The following EEIG2 variants were observed in gnomAD, a reference collection of about 807,000 sequenced individuals.
The protein encoded by EEIG2 is family with sequence similarity 102 member B.
the EEIG2 span, among the ~76,000 whole-genome samples, chr1:108,613,093 T>G: frequency 6.6e-6 from 1 of 152,304 alleles, no homozygotes; most frequent in African/African-American, 2.4e-5. Flanking sequence ...TTTGTAACCC[T>G]CACACAAATT....
the EEIG2 span, among the ~76,000 whole-genome samples, chr1:108,581,068 A>G: frequency 3.9e-5 from 6 of 152,310 alleles, no homozygotes; most frequent in East Asian, 7.7e-4. Flanking sequence ...TCACTTATCA[A>G]TGTGAAAATC....
At chr1:108,598,626 C>T in the EEIG2 span, among the ~76,000 whole-genome samples, 3 of 152,066 alleles carry the variant, frequency 2.0e-5, no homozygotes, top group Admixed American at 1.3e-4. Flanking sequence ...CATTAAATCA[C>T]TTAAGGGTTC....
At chr1:108,613,572 A>G in the EEIG2 span, among the ~76,000 whole-genome samples, 2 of 152,004 alleles carry the variant, frequency 1.3e-5, no homozygotes, top group South Asian at 2.1e-4. Context: ...CTTCCCATTC[A>G]TCCTTCCACA....
At chr1:108,591,419 CA>C in the EEIG2 span, among the ~76,000 whole-genome samples, 1 of 152,156 alleles carries the variant, frequency 6.6e-6, no homozygotes, top group Non-Finnish European at 1.5e-5. Context: ...TTTGATGTTA[CA>C]AAACGATAAA....
chr1:108,575,333 C>G, the EEIG2 span, among the ~76,000 whole-genome samples: 1 of 152,288 alleles, frequency 6.6e-6, no homozygotes, highest in East Asian at 1.9e-4. Context: ...AGGAGTCTTC[C>G]CGAATTTCTC....
the EEIG2 span, chr1:108,629,600 G>A: frequency 6.2e-7 from 1 of 1,610,286 alleles, no homozygotes; most frequent in Admixed American, 1.7e-5. Flanking sequence ...GAAGGACTAA[G>A]GCTATTTGTG....
the EEIG2 span, among the ~76,000 whole-genome samples, chr1:108,580,284 A>T: frequency 1.2e-3 from 179 of 152,194 alleles, no homozygotes; most frequent in African/African-American, 4.2e-3. Context: ...TGACTGCTCT[A>T]CTCACTGGCC....
chr1:108,582,455 C>T, the EEIG2 span, among the ~76,000 whole-genome samples: 1 of 152,024 alleles, frequency 6.6e-6, no homozygotes, highest in Non-Finnish European at 1.5e-5. Context: ...ATTAATCTGC[C>T]ATAATATATA....
At chr1:108,613,979 C>A in the EEIG2 span, among the ~76,000 whole-genome samples, 22 of 151,868 alleles carry the variant, frequency 1.4e-4, no homozygotes, top group African/African-American at 5.3e-4. Context: ...AGAAACTTCA[C>A]CCCCAAAAAA....
chr1:108,580,576 A>G, the EEIG2 span, among the ~76,000 whole-genome samples: 95 of 152,306 alleles, frequency 6.2e-4, no homozygotes, highest in African/African-American at 2.2e-3. Flanking sequence ...TGCTGCTCCA[A>G]TGAACACATG....
chr1:108,564,733 A>G, the EEIG2 span, among the ~76,000 whole-genome samples: 2 of 152,182 alleles, frequency 1.3e-5, no homozygotes, highest in Non-Finnish European at 2.9e-5. Context: ...GGTTGAGCTC[A>G]GGAGTTTGAG....
At chr1:108,624,839 G>C in the EEIG2 span, 1 of 928,422 alleles carries the variant, frequency 1.1e-6, no homozygotes, top group East Asian at 2.4e-5. Context: ...TATTTGACTT[G>C]AAACAGGCCA....
chr1:108,621,047 C>G, the EEIG2 span, among the ~76,000 whole-genome samples: 1 of 152,186 alleles, frequency 6.6e-6, no homozygotes, highest in Non-Finnish European at 1.5e-5. Context: ...GGAGAGAAAA[C>G]TGTGCACAAG....
the EEIG2 span, among the ~76,000 whole-genome samples, chr1:108,592,655 A>G: frequency 6.6e-6 from 1 of 152,108 alleles, no homozygotes; most frequent in South Asian, 2.1e-4. Flanking sequence ...AAATATGTAC[A>G]ATAGGTTCCA....
the EEIG2 span, among the ~76,000 whole-genome samples, chr1:108,585,029 T>C: frequency 6.6e-6 from 1 of 152,138 alleles, no homozygotes; most frequent in East Asian, 1.9e-4. Flanking sequence ...TTTCTGTTAA[T>C]AGAAAAGTAA....
chr1:108,583,166 T>G, the EEIG2 span, among the ~76,000 whole-genome samples: 3 of 142,164 alleles, frequency 2.1e-5, no homozygotes, highest in African/African-American at 5.0e-5. Context: ...TTGTTTTTTG[T>G]TTTTTTTTGA....
chr1:108,622,776 C>T, the EEIG2 span, among the ~76,000 whole-genome samples: 43 of 152,122 alleles, frequency 2.8e-4, no homozygotes, highest in Non-Finnish European at 5.9e-4. Context: ...CCCAAGAATC[C>T]GAGTAGCCTG....
At chr1:108,613,804 C>G in the EEIG2 span, among the ~76,000 whole-genome samples, 2 of 151,970 alleles carry the variant, frequency 1.3e-5, no homozygotes, top group Admixed American at 6.6e-5. Context: ...GACGAGCTAG[C>G]CTTGTGGACT....
chr1:108,564,462 G>A, the EEIG2 span, among the ~76,000 whole-genome samples: 2 of 152,316 alleles, frequency 1.3e-5, no homozygotes, highest in Admixed American at 6.5e-5. Context: ...TGCATATGGT[G>A]GTGGAAGATA....
Sources: allele counts gnomAD v4.1 joint callset (sites outside exome capture counted in the v4.1 genomes callset), GRCh38; gene constraint gnomAD v4.1.1; transcripts MANE v1.5; gene names NCBI Gene and HGNC (gene_info 2026-07-23, HGNC 2026-07-21).